CRB1: variants seen among roughly 807,000 people sequenced by gnomAD.
CRB1 encodes the protein protein crumbs homolog 1.
A neutral mutation model predicts 120.0 loss-of-function variants in CRB1; 83 were observed. The observed-to-expected ratio is 0.69, with a 90% confidence interval of 0.58 to 0.83. The LOEUF is 0.83. Ranked by LOEUF, CRB1 falls within the 40% of genes least tolerant of loss-of-function variation. The pLI, the probability that CRB1 is intolerant of heterozygous loss-of-function variation, is 0.00. For synonymous variants in CRB1, 625 were observed against 612.5 expected (o/e 1.02, Z -0.30); for missense variants, 1,699 against 1,687.6 (o/e 1.01, Z -0.12).
the CRB1 span, among the ~76,000 whole-genome samples, chr1:197,234,492 C>T: frequency 6.6e-6 from 1 of 152,200 alleles, no homozygotes; most frequent in Non-Finnish European, 1.5e-5. Flanking sequence ...TTGACTACAA[C>T]CTCTTGAAAG....
At chr1:197,368,392 T>C (rs1171558384) in intron 5 of CRB1, among the ~76,000 whole-genome samples, 1 of 152,230 alleles carries the variant, frequency 6.6e-6, no homozygotes, top group Non-Finnish European at 1.5e-5. Context: ...ACCATGCATG[T>C]TAATTTCTAT....
At chr1:197,435,675 C>T in intron 9 of CRB1, 63 bp downstream of exon 9, 1 of 1,421,510 alleles carries the variant, frequency 7.0e-7, no homozygotes, top group Non-Finnish European at 9.7e-7. Flanking sequence ...CTGTTCTTGT[C>T]AAATTGGAAA....
At chr1:197,391,795 A>G (rs187488088) in intron 5 of CRB1, among the ~76,000 whole-genome samples, 16 of 152,202 alleles carry the variant, frequency 1.1e-4, no homozygotes, top group Non-Finnish European at 1.5e-4. Context: ...GGAAAAAATA[A>G]GAATTCAGAA....
At chr1:197,413,815 C>T in intron 5 of CRB1, 1 of 418,950 alleles carries the variant, frequency 2.4e-6, no homozygotes, top group South Asian at 1.7e-5. Flanking sequence ...ACCAAGTCCC[C>T]ATACTCTCTA....
intron 11 of CRB1, among the ~76,000 whole-genome samples, chr1:197,465,957 A>G (rs747283150): frequency 1.6e-4 from 24 of 152,252 alleles, no homozygotes; most frequent in Non-Finnish European, 2.8e-4. Flanking sequence ...ACAAGCTGTC[A>G]AAGTTAAAAT....
At chr1:197,231,182 T>C in the CRB1 span, among the ~76,000 whole-genome samples, 6 of 152,214 alleles carry the variant, frequency 3.9e-5, no homozygotes, top group Admixed American at 3.3e-4. Flanking sequence ...ACAGGCATTA[T>C]CTTAAATACT....
chr1:197,256,438 T>A, the CRB1 span, among the ~76,000 whole-genome samples: 1 of 152,118 alleles, frequency 6.6e-6, no homozygotes, highest in African/African-American at 2.4e-5. Flanking sequence ...TGTCAATTTA[T>A]ATATGTAACT....
At chr1:197,256,877 G>C in the CRB1 span, among the ~76,000 whole-genome samples, 6 of 146,284 alleles carry the variant, frequency 4.1e-5, no homozygotes, top group Non-Finnish European at 9.0e-5. Context: ...TAGGGAAAAA[G>C]ATATATTTAG....
At chr1:197,327,933 A>G (rs1658614564) in intron 1 of CRB1, among the ~76,000 whole-genome samples, 1 of 152,200 alleles carries the variant, frequency 6.6e-6, no homozygotes, top group Admixed American at 6.5e-5. Flanking sequence ...AAGAGGGAAA[A>G]CAAAAAGTCT....
chr1:197,297,225 G>C (rs897300239), intron 1 of CRB1, among the ~76,000 whole-genome samples: 1 of 151,750 alleles, frequency 6.6e-6, no homozygotes, highest in Non-Finnish European at 1.5e-5. Flanking sequence ...CAACACTCCT[G>C]ATATCCATCC....
At chr1:197,209,355 G>GT in the CRB1 span, among the ~76,000 whole-genome samples, 1 of 151,542 alleles carries the variant, frequency 6.6e-6, no homozygotes, top group Non-Finnish European at 1.5e-5. Context: ...GTTTTGTTTT[G>GT]TTTTTTTGAG....
the CRB1 span, among the ~76,000 whole-genome samples, chr1:197,239,057 A>G: frequency 6.6e-6 from 1 of 152,118 alleles, no homozygotes; most frequent in African/African-American, 2.4e-5. Flanking sequence ...CCATTTGCAT[A>G]TTCTATCAGC....
At chr1:197,419,169 A>G (rs1452265456) in intron 5 of CRB1, among the ~76,000 whole-genome samples, 1 of 152,192 alleles carries the variant, frequency 6.6e-6, no homozygotes, top group African/African-American at 2.4e-5. Context: ...AGTATATGTG[A>G]CCTGCTCACA....
intron 3 of CRB1, 60 bp downstream of exon 3, chr1:197,344,536 C>A (rs1659660587): frequency 6.0e-6 from 9 of 1,507,816 alleles, no homozygotes; most frequent in Non-Finnish European, 9.2e-7. Context: ...AACTATTTTA[C>A]CACTCTGTTG....
At chr1:197,327,750 C>T (rs530473805) in intron 1 of CRB1, among the ~76,000 whole-genome samples, 21 of 152,242 alleles carry the variant, frequency 1.4e-4, no homozygotes, top group African/African-American at 4.8e-4. Flanking sequence ...GTCTCAAACC[C>T]TAGCTCCTTG....
chr1:197,324,885 A>T (rs1284287983), intron 1 of CRB1, among the ~76,000 whole-genome samples: 5 of 152,238 alleles, frequency 3.3e-5, no homozygotes, highest in African/African-American at 1.2e-4. Flanking sequence ...ATTGGCCTCA[A>T]TTTAGTATTT....
At position 197,415,809 on chromosome 1, in the gene CRB1, AT is replaced by A. The variant is rs1571509252; in HGVS notation, c.1172-5185del. ...AGGCGCCCACCACCACACCTGGCTA[AT>A]TTTTTGTATTTTTAATAGAGATGGG... On this transcript the variant is annotated intron_variant, in intron 5 of 11. Coordinates refer to ENST00000367400, the MANE Select transcript of CRB1 (RefSeq NM_201253.3). Among the ~76,000 whole-genome samples the A allele has an allele frequency of 2.7e-5, 4 of 150,562 alleles. No homozygotes were observed. The East Asian group carries it at 7.8e-4, about 29-fold the overall frequency.
intron 5 of CRB1, among the ~76,000 whole-genome samples, chr1:197,383,404 C>G (rs569006039): frequency 6.6e-6 from 1 of 152,268 alleles, no homozygotes; most frequent in East Asian, 1.9e-4. Flanking sequence ...TTGCAAATGC[C>G]TTTACATGAC....
At chr1:197,463,491 G>GGGTA (rs1483897023) in intron 11 of CRB1, among the ~76,000 whole-genome samples, 27 of 152,268 alleles carry the variant, frequency 1.8e-4, no homozygotes, top group Non-Finnish European at 3.1e-4. Context: ...TCAGTCTGCA[G>GGGTA]ATATGCCAAC....
Sources: gnomAD v4.1 joint callset for allele counts (sites outside exome capture counted in the v4.1 genomes callset) on GRCh38, gnomAD v4.1.1 for gene constraint, MANE v1.5 for transcripts, NCBI Gene and HGNC (gene_info 2026-07-23, HGNC 2026-07-21) for gene names.